Variants in FHIT observed in about 807,000 individuals in gnomAD.
FHIT encodes the protein bis(5'-adenosyl)-triphosphatase.
In FHIT, 19 loss-of-function variants were observed where a neutral mutation model predicts 17.9. The observed-to-expected ratio is 1.06, with a 90% CI of 0.74 to 1.56. The LOEUF is 1.56. Ranked by LOEUF, FHIT falls within the 40% of genes most tolerant of loss-of-function variation. The probability of loss-of-function intolerance (pLI) is 0.00; values close to 1 mark genes in which losing one functional copy is unlikely to be tolerated. For missense variants in FHIT, 248 were observed against 189.2 expected (o/e 1.31, Z -1.82); for synonymous variants, 81 against 69.7 (o/e 1.16, Z -0.81).
intron 3 of FHIT, among the ~76,000 whole-genome samples, chr3:60,968,007 A>T (rs1269892841): frequency 6.6e-6 from 1 of 152,274 alleles, no homozygotes; most frequent in Non-Finnish European, 1.5e-5. Context: ...CAACTAAAAA[A>T]AAATTAGTAA....
chr3:59,934,656 G>A (rs928087774), intron 7 of FHIT, among the ~76,000 whole-genome samples: 1 of 152,124 alleles, frequency 6.6e-6, no homozygotes, highest in East Asian at 1.9e-4. Context: ...AGTTCCACCT[G>A]GCTAGGGAGG....
intron 3 of FHIT, among the ~76,000 whole-genome samples, chr3:60,848,313 C>A (rs1439574958): frequency 6.6e-6 from 1 of 152,138 alleles, no homozygotes; most frequent in African/African-American, 2.4e-5. Flanking sequence ...CTATTGAGAA[C>A]TTTACTATCA....
At chr3:60,853,249 T>C (rs1703224560) in intron 3 of FHIT, among the ~76,000 whole-genome samples, 1 of 152,162 alleles carries the variant, frequency 6.6e-6, no homozygotes, top group Admixed American at 6.6e-5. Context: ...TACCTATTTA[T>C]ATAATATTAG....
intron 2 of FHIT, among the ~76,000 whole-genome samples, chr3:61,177,877 C>T (rs796244604): frequency 1.3e-5 from 2 of 152,148 alleles, no homozygotes; most frequent in South Asian, 4.1e-4. Flanking sequence ...AGATTGTCAT[C>T]AGATAGACAT....
At chr3:60,781,537 C>T (rs1325793654) in intron 4 of FHIT, among the ~76,000 whole-genome samples, 1 of 152,102 alleles carries the variant, frequency 6.6e-6, no homozygotes, top group Non-Finnish European at 1.5e-5. Context: ...TCCCATCAAC[C>T]TGCAGTTCTT....
chr3:59,878,168 A>G (rs1703248084), intron 8 of FHIT, among the ~76,000 whole-genome samples: 1 of 152,178 alleles, frequency 6.6e-6, no homozygotes, highest in Non-Finnish European at 1.5e-5. Flanking sequence ...TGTACTTGGC[A>G]TATTTCCCCT....
intron 3 of FHIT, among the ~76,000 whole-genome samples, chr3:61,025,139 T>C (rs550047306): frequency 6.6e-6 from 1 of 152,312 alleles, no homozygotes; most frequent in African/African-American, 2.4e-5. Context: ...AACATTTCTT[T>C]CAGAATAATA....
At chr3:60,405,970 G>T (rs548554444) in intron 5 of FHIT, among the ~76,000 whole-genome samples, 1 of 152,134 alleles carries the variant, frequency 6.6e-6, no homozygotes, top group African/African-American at 2.4e-5. Flanking sequence ...AAGTGGTGAG[G>T]CTTAAGATAA....
At chr3:60,335,529 A>G (rs1204489773) in intron 5 of FHIT, among the ~76,000 whole-genome samples, 2 of 152,290 alleles carry the variant, frequency 1.3e-5, no homozygotes, top group East Asian at 3.9e-4. Context: ...TTCAAACACT[A>G]TGCCAGGAAT....
At position 60,624,903 on chromosome 3, in the gene FHIT, T is replaced by TGTGTG. The variant is rs60577473; in HGVS notation, c.-17-87925_-17-87924insCACAC. 3.2e-3 allele frequency among the ~76,000 whole-genome samples: 477 copies of TGTGTG among 150,042 alleles called. 3 individuals are homozygous for TGTGTG. Among genetic ancestry groups the TGTGTG allele is most frequent in the African/African-American group, 0.011 (454 of 40,206 alleles). ...TATTTGGCTTGTTTCTAGTTTTTTT[T>TGTGTG]TTTGTTTGTTTGTTTGTTTGTTTTT... On this transcript the variant is annotated intron_variant, in intron 4 of 9. Coordinates refer to ENST00000492590, the MANE Select transcript of FHIT (RefSeq NM_002012.4).
chr3:60,030,298 C>A (rs1378897397), intron 5 of FHIT, among the ~76,000 whole-genome samples: 1 of 152,144 alleles, frequency 6.6e-6, no homozygotes, highest in Non-Finnish European at 1.5e-5. Context: ...ACACAAAAAA[C>A]AGAATGCAGC....
intron 4 of FHIT, among the ~76,000 whole-genome samples, chr3:60,668,371 G>GA (rs60941309): frequency 0.12 from 8,044 of 67,852 alleles, 850 homozygotes; most frequent in Non-Finnish European, 0.13. Flanking sequence ...GCTCAATCAG[G>GA]AAAAAAAAAA....
chr3:60,578,803 T>A (rs1553658593), intron 4 of FHIT, among the ~76,000 whole-genome samples: 1 of 152,112 alleles, frequency 6.6e-6, no homozygotes, highest in Non-Finnish European at 1.5e-5. Context: ...GCCACAAAAA[T>A]TAGTGTATAT....
chr3:61,071,881 TTCTAAATAG>T (rs1211236719), intron 2 of FHIT, among the ~76,000 whole-genome samples: 1 of 152,204 alleles, frequency 6.6e-6, no homozygotes, highest in African/African-American at 2.4e-5. Context: ...ATCCTACATT[TTCTAAATAG>T]TCTCAATGCA....
chr3:60,404,104 A>T (rs557510593), intron 5 of FHIT, among the ~76,000 whole-genome samples: 30 of 152,262 alleles, frequency 2.0e-4, no homozygotes, highest in African/African-American at 6.5e-4. Flanking sequence ...TTGTAAATTC[A>T]CTTTAGCTTC....
At chr3:60,177,254 A>G (rs1257047192) in intron 5 of FHIT, among the ~76,000 whole-genome samples, 2 of 151,578 alleles carry the variant, frequency 1.3e-5, no homozygotes, top group African/African-American at 2.4e-5. Context: ...AAATAATACA[A>G]TAAGCCAAGG....
chr3:59,845,077 T>G (rs180856347), intron 8 of FHIT, among the ~76,000 whole-genome samples: 2 of 152,162 alleles, frequency 1.3e-5, no homozygotes, highest in African/African-American at 4.8e-5. Flanking sequence ...TGGCATGCAA[T>G]TGTTTATATT....
chr3:60,145,025 A>C (rs188945598), intron 5 of FHIT, among the ~76,000 whole-genome samples: 16 of 152,304 alleles, frequency 1.1e-4, no homozygotes, highest in Admixed American at 7.8e-4. Context: ...ATATTGTTTC[A>C]GATTATCCCA....
intron 5 of FHIT, among the ~76,000 whole-genome samples, chr3:60,481,159 G>C (rs148432036): frequency 1.3e-5 from 2 of 152,272 alleles, no homozygotes; most frequent in East Asian, 3.9e-4. Flanking sequence ...AAACCTCCAA[G>C]AAATATGGGA....
Sources: gnomAD v4.1 joint callset for allele counts (sites outside exome capture counted in the v4.1 genomes callset) on GRCh38, gnomAD v4.1.1 for gene constraint, MANE v1.5 for transcripts, NCBI Gene and HGNC (gene_info 2026-07-23, HGNC 2026-07-21) for gene names.